The following GALNT12 variants were observed in gnomAD, a reference collection of about 807,000 sequenced individuals.
GALNT12 encodes the protein polypeptide N-acetylgalactosaminyltransferase 12.
A neutral mutation model predicts 55.5 loss-of-function variants in GALNT12; 45 were observed. That is an observed-to-expected ratio of 0.81 (90% CI 0.64 to 1.04). GALNT12 has a LOEUF of 1.04. Ranked by LOEUF, GALNT12 falls within the 50% of genes least tolerant of loss-of-function variation. The pLI, the probability that GALNT12 is intolerant of heterozygous loss-of-function variation, is 0.00. For synonymous variants in GALNT12, 304 were observed against 312.2 expected (o/e 0.97, Z 0.28); for missense variants, 709 against 754.8 (o/e 0.94, Z 0.71).
chr9:98,831,117 A>T (rs1393477727), intron 3 of GALNT12, among the ~76,000 whole-genome samples: 1 of 152,242 alleles, frequency 6.6e-6, no homozygotes, highest in Non-Finnish European at 1.5e-5. Flanking sequence ...ACACAGGCTG[A>T]TACCTGCAAA....
intron 1 of GALNT12, among the ~76,000 whole-genome samples, chr9:98,821,782 G>A (rs1835748777): frequency 6.6e-6 from 1 of 151,994 alleles, no homozygotes; most frequent in African/African-American, 2.4e-5. Flanking sequence ...CAGATTACCT[G>A]TCCTATAGTT....
rs1316541497 is a variant in GALNT12 at position 98,826,680 on chromosome 9, G to A, written c.542-72G>A. On this transcript the variant is annotated intron_variant, in intron 2 of 9. Coordinates refer to ENST00000375011, the MANE Select transcript of GALNT12 (RefSeq NM_024642.5). ...CTGTTTGGGACAGGGAGGCCCAGAAGGCCCCGGGTTGGGATGAGGCGCTCC... is the reference window on the plus strand; with the variant it reads ...CTGTTTGGGACAGGGAGGCCCAGAAAGCCCCGGGTTGGGATGAGGCGCTCC... The A allele has an allele frequency of 2.1e-6, 3 of 1,463,164 alleles. No individual in the cohort carries two copies. In the Admixed American group the frequency reaches 5.8e-5, roughly 28 times the overall value. The allele number at this position is 1,463,164 out of a possible 1,614,324, so 90.6% of individuals were successfully genotyped here. A position where few individuals can be genotyped will look rare whatever the true frequency, so the allele number is the denominator to read the frequency against.
At chr9:98,822,928 C>T (rs963591043) in intron 1 of GALNT12, among the ~76,000 whole-genome samples, 1 of 152,174 alleles carries the variant, frequency 6.6e-6, no homozygotes, top group Non-Finnish European at 1.5e-5. Context: ...GAGACTGGGG[C>T]AGAGTAGACA....
Position 98,826,941 on chromosome 9 carries a change from G to A in GALNT12, c.731G>A (p.Arg244Lys), listed in dbSNP as rs1463662077. The change falls in exon 3 of 10, where the codon AGG becomes AAG. Residue 244 changes from arginine (R) to lysine (K), a missense_variant and splice_region_variant. This residue lies in a region of GALNT12 where 315 missense variants were observed against 288.6 expected (regional missense o/e 1.09). Coordinates refer to ENST00000375011, the MANE Select transcript of GALNT12 (RefSeq NM_024642.5). ...HEGWLEPLLQ[R>K]IHEEESAVVC... Reference sequence around the variant, plus strand: ...GGGTGGCTGGAGCCGCTGCTGCAGAGGTACGTGAGCCGCCCACCATGGGAG... The same window carrying A: ...GGGTGGCTGGAGCCGCTGCTGCAGAAGTACGTGAGCCGCCCACCATGGGAG... 2.6e-6 allele frequency: 4 copies of A among 1,557,268 alleles called. No individual in the cohort carries two copies. The highest frequency in any genetic ancestry group is 2.4e-5 in the South Asian group (2 of 84,524).
chr9:98,840,910 A>C lies in GALNT12; in HGVS notation c.1344+777A>C, dbSNP rs111690937. Among the ~76,000 whole-genome samples the C allele has an allele frequency of 3.3e-3, 502 of 152,168 alleles. 3 individuals carry two copies. The highest frequency in any genetic ancestry group is 0.011 in the African/African-American group (475 of 41,502). ...GCATTGTGTCATTTCTCTCCTCTGC[A>C]TTTTATGCATTTTCATAACATTTGG... On this transcript the variant is annotated intron_variant, in intron 7 of 9. Coordinates refer to ENST00000375011, the MANE Select transcript of GALNT12 (RefSeq NM_024642.5).
intron 1 of GALNT12, among the ~76,000 whole-genome samples, chr9:98,821,994 G>C (rs138735354): frequency 2.4e-4 from 37 of 152,280 alleles, no homozygotes; most frequent in Admixed American, 4.6e-4. Context: ...GTAGGTGCTC[G>C]GGAAGTTTTT....
chr9:98,822,460 AATC>A (rs1489082335), intron 1 of GALNT12, among the ~76,000 whole-genome samples: 117 of 152,298 alleles, frequency 7.7e-4, no homozygotes, highest in African/African-American at 2.8e-3. Context: ...TATTGGTTCT[AATC>A]ACTGCCAGTC....
intron 6 of GALNT12, among the ~76,000 whole-genome samples, chr9:98,838,969 C>T (rs539743112): frequency 5.3e-5 from 8 of 152,164 alleles, no homozygotes; most frequent in Non-Finnish European, 8.8e-5. Flanking sequence ...CTCTGCAGAG[C>T]CCATGGGTTC....
At chr9:98,822,630 T>C (rs1382345897) in intron 1 of GALNT12, among the ~76,000 whole-genome samples, 2 of 152,148 alleles carry the variant, frequency 1.3e-5, no homozygotes, top group Non-Finnish European at 2.9e-5. Context: ...AATTCTAGTT[T>C]ATGCATTTGG....
At chr9:98,818,510 C>T (rs765019001) in intron 1 of GALNT12, among the ~76,000 whole-genome samples, 29 of 151,928 alleles carry the variant, frequency 1.9e-4, no homozygotes, top group Non-Finnish European at 2.9e-4. Context: ...CAGGTGTGAG[C>T]CACCACACCT....
At chr9:98,847,199 T>TA (rs1188155783) in intron 9 of GALNT12, 1 of 152,238 alleles carries the variant, frequency 6.6e-6, no homozygotes, top group African/African-American at 2.4e-5. Flanking sequence ...CATTGTTTTT[T>TA]ATCTCCCTGG....
intron 9 of GALNT12, chr9:98,847,461 A>G (rs1032563205): frequency 6.6e-6 from 1 of 152,192 alleles, no homozygotes; most frequent in African/African-American, 2.4e-5. Context: ...ACCAGAAGCC[A>G]TTGTAAGCCC....
chr9:98,844,194 G>A lies in GALNT12; in HGVS notation c.1443G>A (p.Gly481=), dbSNP rs925008420. The A allele has an allele frequency of 2.5e-6, 4 of 1,608,540 alleles. No individual in the cohort carries two copies. The highest frequency in any genetic ancestry group is 4.5e-5 in the East Asian group (2 of 44,858). Residue 481 remains glycine, a synonymous_variant, in exon 8 of 10, where the codon GGG becomes GGA. Coordinates refer to ENST00000375011, the MANE Select transcript of GALNT12 (RefSeq NM_024642.5). ...GHQVILYLCH[G]MGQNQFFEYT... ...AGGTCATTCTGTACCTCTGTCATGGGATGGGCCAGAATCAGGTAGGTATGA... is the reference window on the plus strand; with the variant it reads ...AGGTCATTCTGTACCTCTGTCATGGAATGGGCCAGAATCAGGTAGGTATGA...
At chr9:98,822,900 G>A (rs1213832491) in intron 1 of GALNT12, among the ~76,000 whole-genome samples, 1 of 152,188 alleles carries the variant, frequency 6.6e-6, no homozygotes, top group Non-Finnish European at 1.5e-5. Context: ...GGAACAGTCT[G>A]AGCAAAGGCC....
intron 1 of GALNT12, among the ~76,000 whole-genome samples, chr9:98,817,687 C>T (rs1835644694): frequency 1.3e-5 from 2 of 152,252 alleles, no homozygotes; most frequent in South Asian, 2.1e-4. Flanking sequence ...TGGTCTAGAA[C>T]TCCTGACCTT....
chr9:98,831,296 A>G (rs1284410185), intron 3 of GALNT12, among the ~76,000 whole-genome samples: 2 of 152,236 alleles, frequency 1.3e-5, no homozygotes, highest in Non-Finnish European at 2.9e-5. Context: ...GTTACCACTG[A>G]GGCAATAGGC....
chr9:98,840,261 C>T, intron 7 of GALNT12, 128 bp downstream of exon 7: 2 of 1,029,144 alleles, frequency 1.9e-6, no homozygotes, highest in Non-Finnish European at 2.9e-6. Context: ...CCCGCCTGCC[C>T]ACCCCCCACC....
intron 9 of GALNT12, among the ~76,000 whole-genome samples, chr9:98,847,980 T>G (rs1836459966): frequency 6.6e-6 from 1 of 151,900 alleles, no homozygotes; most frequent in East Asian, 1.9e-4. Flanking sequence ...GCCCAGCTAA[T>G]TTTTTGTATT....
intron 8 of GALNT12, 151 bp downstream of exon 8, chr9:98,844,360 A>C (rs968964630): frequency 3.1e-6 from 2 of 654,424 alleles, no homozygotes; most frequent in Admixed American, 2.6e-5. Context: ...TTAAAATTAA[A>C]ATGTGTTTTC....
Sources: allele counts gnomAD v4.1 joint callset (sites outside exome capture counted in the v4.1 genomes callset), GRCh38; gene constraint gnomAD v4.1.1; regional missense constraint gnomAD v4.1.1; transcripts MANE v1.5; gene names NCBI Gene and HGNC (gene_info 2026-07-23, HGNC 2026-07-21).